Variants in RAB38 observed in about 807,000 individuals in gnomAD.
RAB38 encodes the protein RAB38, member RAS oncogene family.
RAB38 carries 15 observed loss-of-function variants against 18.4 expected under a neutral mutation model. The ratio of observed to expected loss-of-function variants is 0.82; its 90% confidence interval spans 0.55 to 1.26. RAB38 has a LOEUF of 1.26. RAB38 is among the 50% of genes most tolerant of loss of function. The pLI is 0.00. For missense variants in RAB38, 294 were observed against 267.4 expected (o/e 1.10, Z -0.69); for synonymous variants, 101 against 104.4 (o/e 0.97, Z 0.20).
the RAB38 span, among the ~76,000 whole-genome samples, chr11:87,810,581 C>T: frequency 6.6e-6 from 1 of 152,094 alleles, no homozygotes. Flanking sequence ...TTTAAGTTAG[C>T]CAGTAATCAA....
the RAB38 span, among the ~76,000 whole-genome samples, chr11:87,974,557 GA>G: frequency 4.6e-4 from 70 of 151,656 alleles, no homozygotes; most frequent in African/African-American, 1.5e-3. Context: ...TAATTCAGGA[GA>G]AAAAAATTTG....
chr11:88,024,464 G>C, the RAB38 span, among the ~76,000 whole-genome samples: 1 of 152,102 alleles, frequency 6.6e-6, no homozygotes, highest in Non-Finnish European at 1.5e-5. Context: ...CCACTATGAA[G>C]AACACTTTAG....
the RAB38 span, among the ~76,000 whole-genome samples, chr11:87,900,696 GAAGGAAGGAAA>G: frequency 7.1e-6 from 1 of 140,820 alleles, no homozygotes; most frequent in African/African-American, 2.7e-5. Context: ...AGGAAGGAAG[GAAGGAAGGAAA>G]AAGGAAGAGA....
the RAB38 span, among the ~76,000 whole-genome samples, chr11:87,911,852 G>A: frequency 6.6e-6 from 1 of 151,810 alleles, no homozygotes; most frequent in Non-Finnish European, 1.5e-5. Flanking sequence ...GGGGAAAGTT[G>A]TTTACAGATG....
At chr11:88,039,791 G>T in the RAB38 span, among the ~76,000 whole-genome samples, 1 of 151,008 alleles carries the variant, frequency 6.6e-6, no homozygotes, top group Admixed American at 6.6e-5. Context: ...GGCCTTAAAT[G>T]TAGAGTAAAG....
the RAB38 span, among the ~76,000 whole-genome samples, chr11:87,969,924 T>G: frequency 6.6e-6 from 1 of 151,792 alleles, no homozygotes; most frequent in Non-Finnish European, 1.5e-5. Flanking sequence ...TGAGGAGAGG[T>G]AGGGTTCAGT....
the RAB38 span, among the ~76,000 whole-genome samples, chr11:87,976,086 A>T: frequency 6.6e-3 from 995 of 150,410 alleles, 8 homozygotes; most frequent in African/African-American, 0.023. Flanking sequence ...CCCTCAAAAA[A>T]GTCTGGTATA....
the RAB38 span, among the ~76,000 whole-genome samples, chr11:88,046,237 G>GA: frequency 1.3e-5 from 2 of 152,120 alleles, no homozygotes; most frequent in Non-Finnish European, 1.5e-5. Flanking sequence ...GCTACAGCAT[G>GA]GTCTTTTACA....
chr11:88,169,835 T>A (rs1392064877), intron 1 of RAB38, among the ~76,000 whole-genome samples: 1 of 152,240 alleles, frequency 6.6e-6, no homozygotes, highest in Non-Finnish European at 1.5e-5. Context: ...GCTCTTTACT[T>A]ATTGTTACAG....
chr11:88,170,965 TATG>T (rs756394811), intron 1 of RAB38, among the ~76,000 whole-genome samples: 1 of 152,248 alleles, frequency 6.6e-6, no homozygotes, highest in Non-Finnish European at 1.5e-5. Flanking sequence ...CTCTGCCACT[TATG>T]ATCTCAGGCA....
At chr11:88,076,900 A>G in the RAB38 span, among the ~76,000 whole-genome samples, 1 of 145,974 alleles carries the variant, frequency 6.9e-6, no homozygotes, top group East Asian at 2.0e-4. Context: ...CGGAGGTTGC[A>G]GTGAGCCAGG....
the RAB38 span, among the ~76,000 whole-genome samples, chr11:87,820,852 A>G: frequency 1.3e-5 from 2 of 152,256 alleles, no homozygotes; most frequent in Non-Finnish European, 2.9e-5. Context: ...GGAATAGTTT[A>G]AATAGCACAG....
chr11:87,949,685 T>C, the RAB38 span, among the ~76,000 whole-genome samples: 3 of 152,206 alleles, frequency 2.0e-5, no homozygotes, highest in Admixed American at 6.5e-5. Context: ...TCAGTTTCCA[T>C]GTAGTTGGGC....
chr11:87,945,824 C>A, the RAB38 span, among the ~76,000 whole-genome samples: 2 of 152,176 alleles, frequency 1.3e-5, no homozygotes, highest in African/African-American at 4.8e-5. Flanking sequence ...TGGCGTCTGG[C>A]ATCTTTCCTG....
At chr11:88,092,409 A>G in the RAB38 span, among the ~76,000 whole-genome samples, 1,329 of 70,110 alleles carry the variant, frequency 0.019, 416 homozygotes, top group East Asian at 0.092. Flanking sequence ...AGAGAGAGAG[A>G]GAGAGAGAGA....
the RAB38 span, among the ~76,000 whole-genome samples, chr11:87,951,274 C>A: frequency 6.6e-6 from 1 of 152,018 alleles, no homozygotes; most frequent in Admixed American, 6.6e-5. Context: ...ATTGGTTATT[C>A]TAGTTGTTAT....
At chr11:88,146,117 T>C (rs1942981807) in intron 2 of RAB38, among the ~76,000 whole-genome samples, 2 of 152,316 alleles carry the variant, frequency 1.3e-5, no homozygotes, top group African/African-American at 4.8e-5. Flanking sequence ...GGGGCTACCA[T>C]GATTGCTCCA....
the RAB38 span, among the ~76,000 whole-genome samples, chr11:87,938,619 G>GTTTTT: frequency 3.4e-4 from 34 of 99,842 alleles, 2 homozygotes; most frequent in African/African-American, 1.4e-3. Context: ...GCTCTTTTCC[G>GTTTTT]TTTTTTTTTT....
chr11:88,062,031 G>C, the RAB38 span: 2 of 151,636 alleles, frequency 1.3e-5, no homozygotes, highest in African/African-American at 4.8e-5. Context: ...ACTAGCTATA[G>C]TAGAGAAATG....
Sources: gnomAD v4.1 joint callset for allele counts (sites outside exome capture counted in the v4.1 genomes callset) on GRCh38, gnomAD v4.1.1 for gene constraint, MANE v1.5 for transcripts, NCBI Gene and HGNC (gene_info 2026-07-23, HGNC 2026-07-21) for gene names.